Variants in CSMD1 observed in about 807,000 individuals in gnomAD.
CSMD1 encodes the protein CUB and sushi domain-containing protein 1.
In CSMD1, 213 loss-of-function variants were observed where a neutral mutation model predicts 417.5. The observed-to-expected ratio is 0.51, with a 90% confidence interval of 0.46 to 0.57. The LOEUF is 0.57. Among genes scored for constraint, CSMD1 ranks in the 20% least tolerant of loss-of-function variants. CSMD1 has a pLI of 0.00. For synonymous variants in CSMD1, 2,862 were observed against 1,736.8 expected, an observed-to-expected ratio of 1.65 and a Z score of -16.11; for missense variants, 6,923 against 4,529.7, an observed-to-expected ratio of 1.53 and a Z score of -15.17.
chr8:3,251,892 T>C (rs1299043916), intron 26 of CSMD1, among the ~76,000 whole-genome samples: 1 of 152,228 alleles, frequency 6.6e-6, no homozygotes, highest in Non-Finnish European at 1.5e-5. Context: ...TAAGAATGCT[T>C]GTGATTTTTG....
intron 50 of CSMD1, among the ~76,000 whole-genome samples, chr8:3,041,851 G>A (rs1427439660): frequency 6.6e-6 from 1 of 152,184 alleles, no homozygotes; most frequent in Non-Finnish European, 1.5e-5. Context: ...CAGTCTGTGG[G>A]TGTAAAGTGC....
At chr8:3,048,870 A>T (rs1000679518) in intron 50 of CSMD1, among the ~76,000 whole-genome samples, 10 of 117,214 alleles carry the variant, frequency 8.5e-5, no homozygotes, top group Non-Finnish European at 1.6e-4. Context: ...TATATAAAGA[A>T]CTCTTAAAAA....
intron 5 of CSMD1, among the ~76,000 whole-genome samples, 154 bp downstream of exon 5, chr8:3,997,749 G>T (rs1328115948): frequency 2.0e-5 from 3 of 152,138 alleles, no homozygotes; most frequent in African/African-American, 7.2e-5. Flanking sequence ...TCACAGTAAA[G>T]GTAACTTTTC....
chr8:3,361,452 C>G (rs4639539), intron 20 of CSMD1, among the ~76,000 whole-genome samples: 2 of 151,346 alleles, frequency 1.3e-5, no homozygotes, highest in East Asian at 3.9e-4. Flanking sequence ...CACGGTGAAA[C>G]CCTGTCTTTA....
chr8:4,661,346 T>G (rs1301123344), intron 1 of CSMD1, among the ~76,000 whole-genome samples: 1 of 152,202 alleles, frequency 6.6e-6, no homozygotes, highest in African/African-American at 2.4e-5. Flanking sequence ...ATATACTGGA[T>G]ACATCTTTAG....
At chr8:4,194,124 T>C (rs969339828) in intron 3 of CSMD1, among the ~76,000 whole-genome samples, 6 of 152,150 alleles carry the variant, frequency 3.9e-5, no homozygotes, top group African/African-American at 1.4e-4. Context: ...CAACAAAGAA[T>C]GCAGAATGAT....
At chr8:3,451,328 C>G (rs973736237) in intron 12 of CSMD1, among the ~76,000 whole-genome samples, 1 of 152,140 alleles carries the variant, frequency 6.6e-6, no homozygotes, top group African/African-American at 2.4e-5. Flanking sequence ...AATTAGATCC[C>G]ATGTGTCAAT....
chr8:4,024,542 G>A (rs566612713), intron 4 of CSMD1, among the ~76,000 whole-genome samples: 2 of 152,178 alleles, frequency 1.3e-5, no homozygotes, highest in African/African-American at 4.8e-5. Flanking sequence ...CAGAGGTCAA[G>A]TCAATTTGAG....
intron 1 of CSMD1, among the ~76,000 whole-genome samples, chr8:4,925,058 G>C (rs921536870): frequency 1.3e-5 from 2 of 152,050 alleles, no homozygotes; most frequent in African/African-American, 4.8e-5. Flanking sequence ...ACCTTAAATA[G>C]TTTGGGTTGT....
At chr8:4,303,079 A>C (rs183187809) in intron 3 of CSMD1, among the ~76,000 whole-genome samples, 104 of 152,282 alleles carry the variant, frequency 6.8e-4, no homozygotes, top group Admixed American at 1.4e-3. Context: ...ATGATTTTAC[A>C]CAGACAATTT....
At chr8:4,880,730 A>G (rs1385963329) in intron 1 of CSMD1, among the ~76,000 whole-genome samples, 1 of 152,000 alleles carries the variant, frequency 6.6e-6, no homozygotes, top group Admixed American at 6.5e-5. Flanking sequence ...CCACGTGTCC[A>G]TGATAAGATG....
At chr8:3,320,124 G>T (rs1338271766) in intron 23 of CSMD1, among the ~76,000 whole-genome samples, 3 of 152,180 alleles carry the variant, frequency 2.0e-5, no homozygotes, top group Non-Finnish European at 2.9e-5. Flanking sequence ...CAATTCATCA[G>T]GCAGGTTTGT....
intron 7 of CSMD1, among the ~76,000 whole-genome samples, chr8:3,705,648 C>T (rs889506137): frequency 5.9e-5 from 9 of 152,122 alleles, no homozygotes; most frequent in Admixed American, 3.9e-4. Context: ...GCCTGCAGAC[C>T]CTGAGCTAGA....
intron 10 of CSMD1, among the ~76,000 whole-genome samples, chr8:3,494,152 G>A (rs892953635): frequency 6.6e-6 from 1 of 152,064 alleles, no homozygotes; most frequent in Non-Finnish European, 1.5e-5. Context: ...CATACTTCAT[G>A]GAATTATCCA....
At chr8:4,066,946 A>C (rs1322237604) in intron 3 of CSMD1, among the ~76,000 whole-genome samples, 1 of 152,226 alleles carries the variant, frequency 6.6e-6, no homozygotes, top group Non-Finnish European at 1.5e-5. Flanking sequence ...TATTGTGTAA[A>C]TACCCTCAGG....
chr8:3,771,078 C>T (rs1798545091), intron 5 of CSMD1, among the ~76,000 whole-genome samples: 1 of 151,518 alleles, frequency 6.6e-6, no homozygotes, highest in South Asian at 2.1e-4. Context: ...GGACAATAGT[C>T]TTGGGGGTAT....
chr8:4,653,179 G>C (rs1458409498), intron 1 of CSMD1, among the ~76,000 whole-genome samples: 2 of 152,020 alleles, frequency 1.3e-5, no homozygotes, highest in African/African-American at 4.8e-5. Flanking sequence ...TGAGTGATCT[G>C]ACTGGTCACA....
chr8:3,290,359 T>G (rs867814344), intron 25 of CSMD1, among the ~76,000 whole-genome samples: 3 of 146,892 alleles, frequency 2.0e-5, no homozygotes, highest in South Asian at 4.2e-4. Context: ...TCTAATTCTG[T>G]GAAGAAAGTC....
chr8:3,586,950 C>A (rs1055153179), intron 8 of CSMD1, among the ~76,000 whole-genome samples: 2 of 152,142 alleles, frequency 1.3e-5, no homozygotes, highest in Non-Finnish European at 2.9e-5. Flanking sequence ...CAGATGTGCA[C>A]AACTAGGCCC....
Sources: allele counts gnomAD v4.1 joint callset (sites outside exome capture counted in the v4.1 genomes callset), GRCh38; gene constraint gnomAD v4.1.1; transcripts MANE v1.5; gene names NCBI Gene and HGNC (gene_info 2026-07-23, HGNC 2026-07-21).